SYNM: variants seen among roughly 807,000 people sequenced by gnomAD.
SYNM encodes synemin.
Under a neutral mutation model 104.0 loss-of-function variants are expected in SYNM, and 95 were observed. The observed-to-expected ratio is 0.91, with a 90% CI of 0.77 to 1.08. The LOEUF (loss-of-function observed/expected upper bound fraction) is 1.08. Ranked by LOEUF, SYNM falls within the 50% of genes least tolerant of loss-of-function variation. SYNM has a pLI of 0.00. For synonymous variants in SYNM, 918 were observed against 869.0 expected, an observed-to-expected ratio of 1.06 and a Z score of -0.99; for missense variants, 2,150 against 2,052.2, an observed-to-expected ratio of 1.05 and a Z score of -0.92.
At chr15:99,114,472 T>C (rs2067328529) in intron 2 of SYNM, among the ~76,000 whole-genome samples, 2 of 152,052 alleles carry the variant, frequency 1.3e-5, no homozygotes, top group East Asian at 3.9e-4. Context: ...TCACAGGATT[T>C]GGACCCAGGA....
chr15:99,106,120 A>G, intron 1 of SYNM, 111 bp downstream of exon 1: 2 of 1,193,970 alleles, frequency 1.7e-6, no homozygotes, highest in Non-Finnish European at 2.2e-6. Context: ...GGCGTCGCGG[A>G]CCGGTAGGGC....
intron 2 of SYNM, among the ~76,000 whole-genome samples, chr15:99,124,242 A>T (rs1388234117): frequency 6.6e-6 from 1 of 152,226 alleles, no homozygotes; most frequent in African/African-American, 2.4e-5. Context: ...CCTATTCCTT[A>T]AAAATGTCCC....
In SYNM at chr15:99,129,752, T is replaced by A; in HGVS notation, c.1392T>A (p.Asp464Glu). The A allele has an allele frequency of 6.2e-7, 1 of 1,613,516 alleles. No individual in the cohort carries two copies. The highest frequency in any genetic ancestry group is 8.5e-7 in the Non-Finnish European group (1 of 1,179,826). ...TREVPVYIGE[D>E]STIARESYRD... ...AGGTCCCCGTTTACATAGGTGAAGA[T>A]TCCACAATTGCCCGCGAGTCGTACC... Residue 464 changes from aspartate (D) to glutamate (E), a missense_variant, in exon 4 of 4, where the codon GAT becomes GAA. By Grantham distance (45) the Asp-to-Glu change is conservative. Coordinates refer to ENST00000336292, the MANE Select transcript of SYNM (RefSeq NM_145728.3).
chr15:99,115,063 A>T (rs73476394), intron 2 of SYNM, among the ~76,000 whole-genome samples: 29,001 of 151,998 alleles, frequency 0.19, 2,945 homozygotes, highest in East Asian at 0.31. Context: ...TGAGAGAGAG[A>T]GGCCGGGAGG....
chr15:99,134,197 A>G lies in SYNM; in HGVS notation c.*1139A>G, dbSNP rs933687720. The stretch of plus-strand genomic sequence containing the variant: ...TGCAGTTGGGGTGTTTTGTCCAGGG[A>G]AACAGTTTATTAAATAGAAGGATGT... On this transcript the variant is annotated 3_prime_UTR_variant, in exon 4 of 4. Transcript: ENST00000336292. 2.0e-5 allele frequency: 3 copies of G among 151,752 alleles called. No individual in the cohort carries two copies. Among genetic ancestry groups the G allele is most frequent in the African/African-American group, 7.3e-5 (3 of 41,262 alleles). 9.4% of individuals were successfully genotyped at this position (151,752 alleles called of 1,614,324 possible).
rs782313224 is a variant in SYNM, at chr15:99,133,088, C to G, written c.*30C>G. On this transcript the variant is annotated 3_prime_UTR_variant, in exon 4 of 4. Coordinates refer to ENST00000336292, the MANE Select transcript of SYNM (RefSeq NM_145728.3). ...CAGAAACATTTTGTTTTAATGGCAG[C>G]CTGTTGGCGACGTGCCAACATCCAA... 2 of 1,605,200 alleles carry G rather than the reference C, an allele frequency of 1.2e-6. No homozygotes were observed. The highest frequency in any genetic ancestry group is 1.7e-6 in the Non-Finnish European group (2 of 1,179,154).
downstream of SYNM, chr15:99,136,197 T>C (rs1242208193): frequency 1.3e-5 from 2 of 149,314 alleles, no homozygotes; most frequent in Non-Finnish European, 1.5e-5. Flanking sequence ...ATGGGAGACA[T>C]TGGAGGGAAC....
Position 99,133,232 on chromosome 15 carries a change from A to T in SYNM, c.*174A>T. 1 of 1,350,942 alleles carries T rather than the reference A, an allele frequency of 7.4e-7. No homozygotes were observed. The highest frequency in any genetic ancestry group is 1.6e-5 in the South Asian group (1 of 63,016). The allele number at this position is 1,350,942 out of a possible 1,614,324, so 83.7% of individuals were successfully genotyped here. A position where few individuals can be genotyped will look rare whatever the true frequency, so the allele number is the denominator to read the frequency against. On this transcript the variant is annotated 3_prime_UTR_variant, in exon 4 of 4. Transcript: ENST00000336292. Reference sequence around the variant, plus strand: ...TTATAGTTAATCCGTAAAGGTTTCCAGTTAATTCATGCCTTAAAAGGCACT... The same window carrying T: ...TTATAGTTAATCCGTAAAGGTTTCCTGTTAATTCATGCCTTAAAAGGCACT...
At chr15:99,111,670 A>C (rs1229913988) in intron 1 of SYNM, among the ~76,000 whole-genome samples, 3 of 152,220 alleles carry the variant, frequency 2.0e-5, no homozygotes, top group African/African-American at 7.2e-5. Flanking sequence ...TATTCAGGGA[A>C]CCTAACAGCC....
chr15:99,131,828 T>C lies in SYNM; in HGVS notation c.3468T>C (p.Gly1156=), dbSNP rs782531410. The C allele has an allele frequency of 2.5e-6, 4 of 1,613,582 alleles. No homozygotes were observed. The highest frequency in any genetic ancestry group is 3.4e-6 in the Non-Finnish European group (4 of 1,179,858). ...AAGTGGTGGAGGTAAGTGCGGGAGG[T>C]GACCTAAGTCAGGCAGCGAGCCCGA... The part of the protein sequence containing the change: ...TAEVVEVSAG[G]DLSQAASPTG... The change falls in exon 4 of 4, where the codon GGT becomes GGC. Residue 1156 remains glycine (G), a synonymous_variant. Transcript: ENST00000336292. This position sits in a 1 kb window ranked among gnomAD's most constrained non-coding sequence, Gnocchi z 4.3.
chr15:99,130,510 T>C lies in SYNM; in HGVS notation c.2150T>C (p.Leu717Pro). 1 of 1,613,838 alleles carries C rather than the reference T, an allele frequency of 6.2e-7. No homozygotes were observed. The change falls in exon 4 of 4, where the codon CTG becomes CCG. Residue 717 changes from leucine (L) to proline (P), a missense_variant. By Grantham distance (98) the Leu-to-Pro change is moderately conservative. Coordinates refer to ENST00000336292, the MANE Select transcript of SYNM (RefSeq NM_145728.3). The part of the protein sequence containing the change: ...LLSKDIKEVG[L>P]KGKSAEQMIG... Reference sequence around the variant, plus strand: ...AGCAAGGATATTAAGGAAGTGGGGCTGAAAGGCAAGTCAGCCGAGCAGATG... The same window carrying C: ...AGCAAGGATATTAAGGAAGTGGGGCCGAAAGGCAAGTCAGCCGAGCAGATG...
chr15:99,107,998 C>T (rs1258866837), intron 1 of SYNM, among the ~76,000 whole-genome samples: 3 of 148,706 alleles, frequency 2.0e-5, no homozygotes, highest in Non-Finnish European at 4.4e-5. Context: ...TTTTTTGAGA[C>T]GGAGTCTTGC....
chr15:99,110,254 C>A (rs2067289572), intron 1 of SYNM, among the ~76,000 whole-genome samples: 1 of 152,196 alleles, frequency 6.6e-6, no homozygotes, highest in African/African-American at 2.4e-5. Context: ...AAGAACTGCG[C>A]TTGGCACACT....
At chr15:99,117,393 G>A (rs977222087) in intron 2 of SYNM, among the ~76,000 whole-genome samples, 6 of 152,180 alleles carry the variant, frequency 3.9e-5, no homozygotes, top group African/African-American at 1.4e-4. Context: ...AGAGCTTTGG[G>A]TTGGGGTCCC....
At chr15:99,107,318 C>T (rs2067255561) in intron 1 of SYNM, among the ~76,000 whole-genome samples, 1 of 152,298 alleles carries the variant, frequency 6.6e-6, no homozygotes, top group East Asian at 1.9e-4. Context: ...GGTCTGAGTT[C>T]CACAGGTCCT....
At position 99,129,179 on chromosome 15, in the gene SYNM, A is replaced by C. The variant is rs2067474063; in HGVS notation, c.1007-188A>C. ...TATTTGTAGTGCTACATTTTATTGT[A>C]ACAGGATTTTGTAAACTGCCAAAAA... On this transcript the variant is annotated intron_variant, in intron 3 of 3. Coordinates refer to ENST00000336292, the MANE Select transcript of SYNM (RefSeq NM_145728.3). The C allele has an allele frequency of 3.9e-6, 3 of 761,338 alleles. No homozygotes were observed. In the African/African-American group the frequency reaches 5.3e-5, roughly 13 times the overall value. The allele number at this position is 761,338 out of a possible 1,614,324, so 47.2% of individuals were successfully genotyped here.
rs1381190808 is a variant in SYNM, at chr15:99,105,897, A to G, written c.698A>G (p.Glu233Gly). 1.9e-5 allele frequency: 29 copies of G among 1,534,584 alleles called. No individual in the cohort carries two copies. Among genetic ancestry groups the G allele is most frequent in the Non-Finnish European group, 2.4e-5 (27 of 1,144,650 alleles). Residue 233 changes from glutamate to glycine, a missense_variant, in exon 1 of 4, where the codon GAG becomes GGG. By Grantham distance (98) the Glu-to-Gly change is moderately conservative (BLOSUM62 -2). Coordinates refer to ENST00000336292, the MANE Select transcript of SYNM (RefSeq NM_145728.3). ...GAAGAGACGCGGCTGTGCGCGCAGG[A>G]GGCAGAGGCGCTGCGGCGCGAGGCG... ...AEEETRLCAQ[E>G]AEALRREALG...
At chr15:99,120,874 A>G (rs1049151244) in intron 2 of SYNM, among the ~76,000 whole-genome samples, 5 of 152,154 alleles carry the variant, frequency 3.3e-5, no homozygotes, top group African/African-American at 4.8e-5. Flanking sequence ...GGGACACAGT[A>G]TGTTGAGGTA....
Position 99,131,924 on chromosome 15 carries a change from C to T in SYNM, c.3564C>T (p.Ile1188=). ...PGQSPLSREV[I]FLGPAPACPE... ...AAAGTCCACTGTCCAGAGAAGTCAT[C>T]TTCCTAGGCCCTGCCCCTGCCTGTC... The change falls in exon 4 of 4, where the codon ATC becomes ATT. Residue 1188 remains isoleucine (I), a synonymous_variant. Transcript: ENST00000336292. This position sits in a 1 kb window ranked among gnomAD's most constrained non-coding sequence, Gnocchi z 4.3. 1 of 1,613,854 alleles carries T rather than the reference C, an allele frequency of 6.2e-7. No homozygotes were observed. Among genetic ancestry groups the T allele is most frequent in the Non-Finnish European group, 8.5e-7 (1 of 1,179,852 alleles).
Sources: gnomAD v4.1 joint callset for allele counts (sites outside exome capture counted in the v4.1 genomes callset) on GRCh38, gnomAD v4.1.1 for gene constraint, Gnocchi (gnomAD v3.1) non-coding constraint, MANE v1.5 for transcripts, NCBI Gene and HGNC (gene_info 2026-07-23, HGNC 2026-07-21) for gene names.